Variants in UHRF2 observed in about 807,000 individuals in gnomAD.
UHRF2 encodes E3 ubiquitin-protein ligase UHRF2.
UHRF2 carries 23 observed loss-of-function variants against 96.8 expected under a neutral mutation model. That is an observed-to-expected ratio of 0.24 (90% CI 0.17 to 0.34). The LOEUF (loss-of-function observed/expected upper bound fraction) is 0.34, where lower values mean the gene tolerates loss of function less well. Ranked by LOEUF, UHRF2 falls within the 10% of genes least tolerant of loss-of-function variation. UHRF2 has a pLI of 1.00. For synonymous variants in UHRF2, 385 were observed against 332.6 expected, an observed-to-expected ratio of 1.16 and a Z score of -1.72; for missense variants, 685 against 981.5, an observed-to-expected ratio of 0.70 and a Z score of 4.04.
At chr9:6,445,015 T>C (rs1821402351) in intron 3 of UHRF2, among the ~76,000 whole-genome samples, 1 of 151,488 alleles carries the variant, frequency 6.6e-6, no homozygotes, top group Non-Finnish European at 1.5e-5. Context: ...TTGAGGCCGG[T>C]CATGGTGGCT....
intron 3 of UHRF2, among the ~76,000 whole-genome samples, chr9:6,448,443 A>G (rs981846961): frequency 5.3e-5 from 8 of 152,226 alleles, no homozygotes; most frequent in African/African-American, 1.2e-4. Flanking sequence ...TGTTAAGTGT[A>G]TGGATTCTAG....
chr9:6,486,751 A>G (rs1311523238), intron 8 of UHRF2, 70 bp from the exon 9 acceptor site: 7 of 1,475,106 alleles, frequency 4.7e-6, no homozygotes, highest in African/African-American at 1.4e-5. Context: ...AAGAATATAT[A>G]TGAAAGCATT....
chr9:6,435,801 G>T lies in UHRF2; in HGVS notation c.644+1628G>T, dbSNP rs376874515. Among the ~76,000 whole-genome samples the T allele has an allele frequency of 1.1e-4, 17 of 152,070 alleles. No individual in the cohort carries two copies. The East Asian group carries it at 2.9e-3, about 26-fold the overall frequency. ...TCTTCTATTTTTTAGTAGAGACAGG[G>T]TTTCACTATGTTGGCCACGGTGGTC... is the stretch of plus-strand genomic sequence containing the variant. On this transcript the variant is annotated intron_variant, in intron 3 of 15. Transcript: ENST00000276893.
chr9:6,433,438 G>C (rs191004982), intron 2 of UHRF2, among the ~76,000 whole-genome samples: 1 of 151,978 alleles, frequency 6.6e-6, no homozygotes, highest in Admixed American at 6.6e-5. Context: ...TTTTTATTGT[G>C]CATAATTCTC....
At chr9:6,461,315 TTTTC>T (rs1822521496) in intron 4 of UHRF2, among the ~76,000 whole-genome samples, 2 of 151,580 alleles carry the variant, frequency 1.3e-5, no homozygotes, top group African/African-American at 4.8e-5. Flanking sequence ...TCTTTTCTTT[TTTTC>T]TTTCTGTCTC....
intron 14 of UHRF2, among the ~76,000 whole-genome samples, chr9:6,503,085 C>G (rs1816385471): frequency 6.6e-6 from 1 of 152,176 alleles, no homozygotes; most frequent in Non-Finnish European, 1.5e-5. Flanking sequence ...ACCTCCACCT[C>G]CTGGGTTCAA....
intron 4 of UHRF2, among the ~76,000 whole-genome samples, chr9:6,467,593 TA>T (rs1298515655): frequency 7.4e-6 from 1 of 135,104 alleles, no homozygotes; most frequent in African/African-American, 3.0e-5. Context: ...TCCGAGAGAA[TA>T]GTTTTTTTTT....
At chr9:6,468,370 A>T in intron 4 of UHRF2, 1 of 448,180 alleles carries the variant, frequency 2.2e-6, no homozygotes. Context: ...GACAGCTGGC[A>T]GTAGATTAGT....
intron 3 of UHRF2, among the ~76,000 whole-genome samples, chr9:6,442,321 C>T (rs187807855): frequency 6.6e-6 from 1 of 152,304 alleles, no homozygotes; most frequent in African/African-American, 2.4e-5. Flanking sequence ...ATGTCAGATT[C>T]TTCCCTGATT....
intron 4 of UHRF2, among the ~76,000 whole-genome samples, chr9:6,469,514 C>G (rs1823086895): frequency 6.6e-6 from 1 of 150,556 alleles, no homozygotes; most frequent in Non-Finnish European, 1.5e-5. Context: ...GAGACTCTGT[C>G]TCAAAAAAAA....
At position 6,466,276 on chromosome 9, in the gene UHRF2, G is replaced by A. The variant is rs571387019; in HGVS notation, c.863+5485G>A. ...ATTATGGCCAGGTGTGGTGGCTCAC[G>A]CCTGTAATCCCAGCACTTTGGGAGG... On this transcript the variant is annotated intron_variant, in intron 4 of 15. Coordinates refer to ENST00000276893, the MANE Select transcript of UHRF2 (RefSeq NM_152896.3). 1.5e-3 allele frequency among the ~76,000 whole-genome samples: 228 copies of A among 152,196 alleles called. 2 individuals carry two copies. Among genetic ancestry groups the A allele is most frequent in the South Asian group, 1.7e-3 (8 of 4,832 alleles).
chr9:6,503,182 A>G (rs770530381), intron 14 of UHRF2, among the ~76,000 whole-genome samples: 1 of 151,990 alleles, frequency 6.6e-6, no homozygotes, highest in Non-Finnish European at 1.5e-5. Flanking sequence ...TTTTTTCTAG[A>G]GACGGTTTTG....
intron 3 of UHRF2, among the ~76,000 whole-genome samples, chr9:6,448,273 A>G (rs1393714245): frequency 1.3e-5 from 2 of 152,252 alleles, no homozygotes; most frequent in African/African-American, 2.4e-5. Context: ...AGAGCAACCA[A>G]ATACTCAAAG....
At chr9:6,458,877 C>G (rs1328275538) in intron 3 of UHRF2, among the ~76,000 whole-genome samples, 1 of 152,192 alleles carries the variant, frequency 6.6e-6, no homozygotes, top group Non-Finnish European at 1.5e-5. Flanking sequence ...CCATGGAATA[C>G]TATGCAGCCA....
At chr9:6,499,756 A>G in intron 12 of UHRF2, 79 bp from the exon 13 acceptor site, 1 of 881,172 alleles carries the variant, frequency 1.1e-6, no homozygotes, top group Non-Finnish European at 1.7e-6. Flanking sequence ...CTCCCTTTTA[A>G]TTTCTCACCA....
rs180904018 is a variant in UHRF2 at position 6,458,238 on chromosome 9, T to C, written c.645-2335T>C. Among the ~76,000 whole-genome samples the C allele has an allele frequency of 2.3e-3, 356 of 152,242 alleles. 1 individual carries two copies. The highest frequency in any genetic ancestry group is 0.02 in the Middle Eastern group (6 of 294). ...TCTTCCTGGTTTCGTCTTGGGAGGG[T>C]GTATGTGTCCAGGAATTTATACATT... On this transcript the variant is annotated intron_variant, in intron 3 of 15. Transcript: ENST00000276893.
intron 5 of UHRF2, among the ~76,000 whole-genome samples, chr9:6,476,395 G>T (rs980112530): frequency 1.3e-5 from 2 of 152,136 alleles, no homozygotes; most frequent in Admixed American, 1.3e-4. Flanking sequence ...TTTTACACGA[G>T]TAAAGCCTTA....
intron 8 of UHRF2, among the ~76,000 whole-genome samples, chr9:6,485,168 T>C (rs1433321947): frequency 2.6e-5 from 4 of 152,238 alleles, no homozygotes; most frequent in African/African-American, 9.6e-5. Context: ...GCAATAGTTG[T>C]ATTATAATTT....
Position 6,460,762 on chromosome 9 carries a change from A to G in UHRF2, c.834A>G (p.Lys278=). The change falls in exon 4 of 16, where the codon AAA becomes AAG. Residue 278 remains lysine, a synonymous_variant. Transcript: ENST00000276893. ...CATTGAAGACAATCTCAAGGACCAAAAAAGAACTTCGTGTGAAAATTTTCC... is the reference window on the plus strand; with the variant it reads ...CATTGAAGACAATCTCAAGGACCAAGAAAGAACTTCGTGTGAAAATTTTCC... ...ITTLKTISRT[K]KELRVKIFLG... is the part of the protein sequence containing the mutation. The G allele has an allele frequency of 2.5e-6, 4 of 1,612,912 alleles. No homozygotes were observed. The highest frequency in any genetic ancestry group is 3.4e-6 in the Non-Finnish European group (4 of 1,179,698).
Sources: allele counts gnomAD v4.1 joint callset (sites outside exome capture counted in the v4.1 genomes callset), GRCh38; gene constraint gnomAD v4.1.1; transcripts MANE v1.5; gene names NCBI Gene and HGNC (gene_info 2026-07-23, HGNC 2026-07-21).